The following FAT1 variants were observed in gnomAD, a reference collection of about 807,000 sequenced individuals.
FAT1 encodes the protein protocadherin Fat 1.
A neutral mutation model predicts 329.8 loss-of-function variants in FAT1; 171 were observed. The observed-to-expected ratio is 0.52, with a 90% CI of 0.46 to 0.59. FAT1 has a LOEUF of 0.59. FAT1 is among the 20% of genes least tolerant of loss of function. The pLI, the probability that FAT1 is intolerant of heterozygous loss-of-function variation, is 0.00. For missense variants in FAT1, 5,672 were observed against 5,774.4 expected (o/e 0.98, Z 0.57); for synonymous variants, 2,233 against 2,228.6 (o/e 1.00, Z -0.06).
chr4:186,686,242 C>CA (rs1553998098), intron 2 of FAT1, among the ~76,000 whole-genome samples: 4 of 147,068 alleles, frequency 2.7e-5, no homozygotes, highest in African/African-American at 4.9e-5. Context: ...ATTTTCACCC[C>CA]CCCCCGACAT....
At chr4:186,651,952 C>G (rs1560967480) in intron 3 of FAT1, among the ~76,000 whole-genome samples, 1 of 152,134 alleles carries the variant, frequency 6.6e-6, no homozygotes, top group Non-Finnish European at 1.5e-5. Flanking sequence ...GGCGTGGAGC[C>G]AAAAATGGAA....
Position 186,620,000 on chromosome 4 carries a change from G to T in FAT1, c.6586C>A (p.Gln2196Lys), listed in dbSNP as rs959849088. 6.2e-7 allele frequency: 1 copy of T among 1,613,862 alleles called. No homozygotes were observed. The highest frequency in any genetic ancestry group is 1.3e-5 in the African/African-American group (1 of 74,914). Residue 2196 changes from glutamine to lysine, a missense_variant, in exon 10 of 27, where the codon CAG becomes AAG. By Grantham distance (53) the Gln-to-Lys change is moderately conservative (BLOSUM62 1). Transcript: ENST00000441802. ...ACGTGGACCACAGGGCTGTGCACCT[G>T]GATGCTCTCTGCAATCTCTGCACTG... is the stretch of plus-strand genomic sequence containing the variant. ...FYSAEIAESI[Q>K]VHSPVVHVQA...
intron 2 of FAT1, among the ~76,000 whole-genome samples, chr4:186,664,845 G>A (rs899008317): frequency 6.6e-6 from 1 of 152,148 alleles, no homozygotes; most frequent in Admixed American, 6.5e-5. Context: ...AATCACTGAA[G>A]TTTCCCGTTA....
In FAT1 at chr4:186,708,185, C is replaced by A. The variant is rs202126944; in HGVS notation, c.1643G>T (p.Arg548Leu). The change falls in exon 2 of 27, where the codon CGC becomes CTC. Residue 548 changes from arginine to leucine, a missense_variant. By Grantham distance (102) the Arg-to-Leu change is moderately radical. Around this residue, in one of 2 missense-constraint regions of FAT1, gnomAD observed 3,966 missense variants for 3,915.2 expected, o/e 1.01. Transcript: ENST00000441802. ...TGTAGCAAGGACTTCGACTTCCCGGCGGTACGGCAAGCCCCAGTCTGATGC... is the reference window on the plus strand; with the variant it reads ...TGTAGCAAGGACTTCGACTTCCCGGAGGTACGGCAAGCCCCAGTCTGATGC... ...IRASDWGLPY[R>L]REVEVLATIT... 1 of 1,613,970 alleles carries A rather than the reference C, an allele frequency of 6.2e-7. No individual in the cohort carries two copies. The highest frequency in any genetic ancestry group is 8.5e-7 in the Non-Finnish European group (1 of 1,179,892).
At chr4:186,645,958 A>ATAT (rs1408903774) in intron 3 of FAT1, among the ~76,000 whole-genome samples, 15 of 115,758 alleles carry the variant, frequency 1.3e-4, no homozygotes, top group African/African-American at 3.3e-4. Context: ...AAAAAAAAAA[A>ATAT]AAAAATATAT....
intron 2 of FAT1, among the ~76,000 whole-genome samples, chr4:186,695,814 G>A (rs912812740): frequency 5.2e-5 from 7 of 135,496 alleles, no homozygotes; most frequent in South Asian, 2.5e-4. Flanking sequence ...TTTTTGAGAC[G>A]GAGTTTCACT....
chr4:186,610,661 A>ATTTATATAATTTATATAAATATAAAT (rs377319738), intron 14 of FAT1, among the ~76,000 whole-genome samples: 1 of 83,880 alleles, frequency 1.2e-5, no homozygotes, highest in Non-Finnish European at 2.7e-5. Context: ...ATAAATATAA[A>ATTTATATAATTTATATAAATATAAAT]TTATATAATT....
chr4:186,628,239 T>A lies in FAT1; in HGVS notation c.4725A>T (p.Ala1575=), dbSNP rs1740414072. 1 of 1,613,976 alleles carries A rather than the reference T, an allele frequency of 6.2e-7. No homozygotes were observed. The highest frequency in any genetic ancestry group is 1.3e-5 in the African/African-American group (1 of 75,046). Residue 1575 remains alanine (A), a synonymous_variant, in exon 9 of 27, where the codon GCA becomes GCT. Transcript: ENST00000441802. The part of the protein sequence containing the change: ...SSYKGRVYES[A]AVGSVVLQVT... The stretch of plus-strand genomic sequence containing the variant: ...CCTGCAACACAACTGAGCCAACGGC[T>A]GCCGATTCATAAACCCGCCCTTTGT...
chr4:186,618,455 T>G lies in FAT1; in HGVS notation c.8131A>C (p.Thr2711Pro). ...PKFSEPFYTF[T>P]VSEDVPIGTE... is the part of the protein sequence containing the mutation. ...CCAATAGGCACGTCCTCTGACACTG[T>G]AAAGGTATAGAAAGGTTCTGAAAAT... Residue 2711 changes from threonine to proline, a missense_variant, in exon 10 of 27, where the codon ACA becomes CCA. By Grantham distance (38) the Thr-to-Pro change is conservative (BLOSUM62 -1). Coordinates refer to ENST00000441802, the MANE Select transcript of FAT1 (RefSeq NM_005245.4). The G allele has an allele frequency of 6.2e-7, 1 of 1,614,062 alleles. No homozygotes were observed. The highest frequency in any genetic ancestry group is 8.5e-7 in the Non-Finnish European group (1 of 1,179,908).
At chr4:186,614,400 A>T in intron 11 of FAT1, 56 bp from the exon 12 acceptor site, 1 of 1,143,246 alleles carries the variant, frequency 8.7e-7, no homozygotes, top group Non-Finnish European at 1.2e-6. Context: ...CAGCACAAAC[A>T]TCAAGGGAAT....
chr4:186,692,057 T>C (rs1450683330), intron 2 of FAT1, among the ~76,000 whole-genome samples: 45 of 151,754 alleles, frequency 3.0e-4, no homozygotes, highest in Non-Finnish European at 4.4e-5. Context: ...AAGTTTGTTT[T>C]TCTTCCCCCC....
Position 186,618,734 on chromosome 4 carries a change from C to CT in FAT1, c.7851dup (p.Val2618SerfsTer5). The stretch of plus-strand genomic sequence containing the variant: ...CCCTCATCGGCATCACTTGCAAGAA[C>CT]TTTAACGACTGAAGTCCCTTTAGCA... On this transcript the variant is annotated frameshift_variant, in exon 10 of 27. Transcript: ENST00000441802. LOFTEE classifies it high-confidence loss of function. 6.2e-7 allele frequency: 1 copy of CT among 1,614,056 alleles called. No homozygotes were observed. The highest frequency in any genetic ancestry group is 8.5e-7 in the Non-Finnish European group (1 of 1,179,898).
Position 186,598,005 on chromosome 4 carries a change from AC to A in FAT1, c.12223del (p.Val4075PhefsTer131). 1 of 1,613,300 alleles carries A rather than the reference AC, an allele frequency of 6.2e-7. No individual in the cohort carries two copies. Among genetic ancestry groups the A allele is most frequent in the Non-Finnish European group, 8.5e-7 (1 of 1,179,756 alleles). On this transcript the variant is annotated frameshift_variant, in exon 23 of 27. Coordinates refer to ENST00000441802, the MANE Select transcript of FAT1 (RefSeq NM_005245.4). LOFTEE classifies it high-confidence loss of function. ...AGTATATAATCCTCTACACTGGCAA[AC>A]AAAGCCTCCGTTGTCGACAACACAC... The part of the protein sequence containing the change: ...GTCVVDNGGF[V>X]CQCRGLYTGQ...
At chr4:186,623,837 T>C (rs573305239) in intron 9 of FAT1, among the ~76,000 whole-genome samples, 42 of 152,308 alleles carry the variant, frequency 2.8e-4, no homozygotes, top group African/African-American at 9.9e-4. Context: ...ACAACCTTGC[T>C]CTTTATCGGC....
intron 3 of FAT1, among the ~76,000 whole-genome samples, chr4:186,657,124 G>C (rs1262042052): frequency 2.0e-5 from 3 of 152,118 alleles, no homozygotes; most frequent in African/African-American, 7.2e-5. Flanking sequence ...AGACAGCTAT[G>C]CACCCCTATG....
chr4:186,651,429 G>A lies in FAT1; in HGVS notation c.3581-11646C>T, dbSNP rs117453580. 5.7e-4 allele frequency among the ~76,000 whole-genome samples: 87 copies of A among 152,264 alleles called. No individual in the cohort carries two copies. In the East Asian group the frequency reaches 0.013, roughly 22 times the overall value. On this transcript the variant is annotated intron_variant, in intron 3 of 26. Transcript: ENST00000441802. ...CGGGAGTGACAGAAACTACATCAAG[G>A]GCAGCATTTGTCTGTGTGAACTGCT...
At chr4:186,686,387 A>C (rs1743470753) in intron 2 of FAT1, among the ~76,000 whole-genome samples, 1 of 152,204 alleles carries the variant, frequency 6.6e-6, no homozygotes, top group African/African-American at 2.4e-5. Flanking sequence ...AAGCTAATGA[A>C]GAATAAAATA....
chr4:186,612,888 T>C (rs368091922), intron 13 of FAT1, among the ~76,000 whole-genome samples: 1 of 152,228 alleles, frequency 6.6e-6, no homozygotes, highest in African/African-American at 2.4e-5. Context: ...ACCAGAATTT[T>C]AGAGACCTCA....
At position 186,654,921 on chromosome 4, in the gene FAT1, A is replaced by C. The variant is rs142066655; in HGVS notation, c.3580+8378T>G. Among the ~76,000 whole-genome samples the C allele has an allele frequency of 4.6e-3, 695 of 152,016 alleles. 2 individuals are homozygous for C. Among genetic ancestry groups the C allele is most frequent in the Middle Eastern group, 0.017 (5 of 294 alleles). On this transcript the variant is annotated intron_variant, in intron 3 of 26. Transcript: ENST00000441802. ...GATACACTGTCTCGAAAAACAAAAAAAAAAACAAAAAAAACTTCACTCTAC... is the reference window on the plus strand; with the variant it reads ...GATACACTGTCTCGAAAAACAAAAACAAAAACAAAAAAAACTTCACTCTAC...
Sources: allele counts gnomAD v4.1 joint callset (sites outside exome capture counted in the v4.1 genomes callset), GRCh38; gene constraint gnomAD v4.1.1; regional missense constraint gnomAD v4.1.1; transcripts MANE v1.5; gene names NCBI Gene and HGNC (gene_info 2026-07-23, HGNC 2026-07-21).